The following SLC39A9 variants were observed in gnomAD, a reference collection of about 807,000 sequenced individuals.
The protein encoded by SLC39A9 is solute carrier family 39 member 9.
Under a neutral mutation model 28.4 loss-of-function variants are expected in SLC39A9, and 14 were observed. That is an observed-to-expected ratio of 0.49 (90% CI 0.33 to 0.77). The LOEUF is 0.77. Among genes scored for constraint, SLC39A9 ranks in the 30% least tolerant of loss-of-function variants. The pLI is 0.02. For synonymous variants in SLC39A9, 119 were observed against 149.6 expected (o/e 0.80, Z 1.49); for missense variants, 283 against 381.1 (o/e 0.74, Z 2.14).
rs1886066497 is a variant in SLC39A9 at position 69,460,506 on chromosome 14, C to T, written c.*1913C>T. 3.0e-6 allele frequency: 3 copies of T among 985,310 alleles called. No individual in the cohort carries two copies. The highest frequency in any genetic ancestry group is 3.5e-5 in the African/African-American group (2 of 57,236). The allele number at this position is 985,310 out of a possible 1,614,324, so 61.0% of individuals were successfully genotyped here. A position where few individuals can be genotyped will look rare whatever the true frequency, so the allele number is the denominator to read the frequency against. On this transcript the variant is annotated 3_prime_UTR_variant, in exon 7 of 7. Transcript: ENST00000336643. ...TCAAAACTATATGGTTGCCTAGATT[C>T]TCTCTGGAAACTGACTTTGTCAAAT...
chr14:69,461,705 C>G lies in SLC39A9; in HGVS notation c.*3112C>G. The stretch of plus-strand genomic sequence containing the variant: ...TTTTTCTCTTTTTCAAGGATTAGAA[C>G]TAAGAGGACACACCAGCATCGGAGT... On this transcript the variant is annotated 3_prime_UTR_variant, in exon 7 of 7. Transcript: ENST00000336643. The G allele has an allele frequency of 6.5e-7, 1 of 1,535,760 alleles. No homozygotes were observed. The highest frequency in any genetic ancestry group is 8.7e-7 in the Non-Finnish European group (1 of 1,146,810).
chr14:69,421,523 T>C (rs1883891539), intron 1 of SLC39A9, among the ~76,000 whole-genome samples: 1 of 152,248 alleles, frequency 6.6e-6, no homozygotes, highest in African/African-American at 2.4e-5. Flanking sequence ...GGAAAACCAC[T>C]GCTCTCTTCA....
chr14:69,411,085 G>A (rs1347432243), intron 1 of SLC39A9, among the ~76,000 whole-genome samples: 3 of 151,958 alleles, frequency 2.0e-5, no homozygotes, highest in Non-Finnish European at 4.4e-5. Flanking sequence ...GATGGCACAT[G>A]CCTGTAATCC....
At chr14:69,405,691 A>G (rs1377703324) in intron 1 of SLC39A9, among the ~76,000 whole-genome samples, 1 of 152,186 alleles carries the variant, frequency 6.6e-6, no homozygotes, top group Non-Finnish European at 1.5e-5. Flanking sequence ...TGAACTACAG[A>G]TTATTGTTTC....
chr14:69,430,554 C>T (rs1047312998), intron 2 of SLC39A9, among the ~76,000 whole-genome samples: 1 of 151,472 alleles, frequency 6.6e-6, no homozygotes, highest in East Asian at 1.9e-4. Flanking sequence ...ACCAGCACTA[C>T]GTTGTCTTGA....
chr14:69,413,503 T>A (rs1251691268), intron 1 of SLC39A9, among the ~76,000 whole-genome samples: 1 of 152,206 alleles, frequency 6.6e-6, no homozygotes, highest in Non-Finnish European at 1.5e-5. Flanking sequence ...TTAGGTAGGA[T>A]ATAATCTCAG....
At chr14:69,451,582 A>T (rs1409084333) in intron 3 of SLC39A9, among the ~76,000 whole-genome samples, 1 of 152,246 alleles carries the variant, frequency 6.6e-6, no homozygotes, top group Non-Finnish European at 1.5e-5. Flanking sequence ...CCATCTGGGG[A>T]TAGAAAACAT....
rs565204844 is a variant in SLC39A9 at position 69,429,895 on chromosome 14, A to G, written c.205+5693A>G. 5.3e-5 allele frequency among the ~76,000 whole-genome samples: 8 copies of G among 152,112 alleles called. No homozygotes were observed. In the South Asian group the frequency reaches 1.7e-3, roughly 32 times the overall value. On this transcript the variant is annotated intron_variant, in intron 2 of 6. Coordinates refer to ENST00000336643, the MANE Select transcript of SLC39A9 (RefSeq NM_018375.5). ...GTTGTCTGTTTTGTTTTAGTTTTTT[A>G]TTTTAGCCATTCTAATAGCAGCATA... is the stretch of plus-strand genomic sequence containing the variant.
intron 1 of SLC39A9, among the ~76,000 whole-genome samples, chr14:69,422,970 A>C (rs1240562310): frequency 6.6e-6 from 1 of 152,258 alleles, no homozygotes; most frequent in Non-Finnish European, 1.5e-5. Context: ...TTGGCTAAAA[A>C]GAAGACAATT....
chr14:69,421,292 A>G (rs561785627), intron 1 of SLC39A9, among the ~76,000 whole-genome samples: 1 of 152,216 alleles, frequency 6.6e-6, no homozygotes, highest in East Asian at 1.9e-4. Flanking sequence ...CTGGAGGTCC[A>G]CTCCAGATGC....
intron 1 of SLC39A9, among the ~76,000 whole-genome samples, chr14:69,416,436 G>T (rs776601274): frequency 2.6e-5 from 4 of 152,206 alleles, no homozygotes; most frequent in Admixed American, 6.5e-5. Context: ...AAACATACGT[G>T]TGCATGTGTC....
intron 2 of SLC39A9, among the ~76,000 whole-genome samples, chr14:69,427,358 C>T (rs959345435): frequency 1.3e-5 from 2 of 152,118 alleles, no homozygotes; most frequent in African/African-American, 4.8e-5. Context: ...TTATAAGTCT[C>T]TTCTGAAAAT....
At position 69,453,262 on chromosome 14, in the gene SLC39A9, G is replaced by A. The variant is rs1885701542; in HGVS notation, c.425G>A (p.Ser142Asn). The change falls in exon 4 of 7, where the codon AGC becomes AAC. Residue 142 changes from serine to asparagine, a missense_variant. Ser to Asn is a conservative substitution (Grantham distance 46). Coordinates refer to ENST00000336643, the MANE Select transcript of SLC39A9 (RefSeq NM_018375.5). The part of the protein sequence containing the change: ...STDDPEAARS[S>N]NSKITTTLGL... Reference sequence around the variant, plus strand: ...TTAGATCCAGAAGCAGCAAGGTCTAGCAATTCCAAAATCACCACCACGCTG... The same window carrying A: ...TTAGATCCAGAAGCAGCAAGGTCTAACAATTCCAAAATCACCACCACGCTG... 1 of 1,613,902 alleles carries A rather than the reference G, an allele frequency of 6.2e-7. No individual in the cohort carries two copies. The highest frequency in any genetic ancestry group is 8.5e-7 in the Non-Finnish European group (1 of 1,179,842).
intron 2 of SLC39A9, among the ~76,000 whole-genome samples, chr14:69,425,670 T>A (rs908134032): frequency 4.6e-5 from 7 of 151,994 alleles, no homozygotes; most frequent in Non-Finnish European, 1.0e-4. Flanking sequence ...GGTTTTTTTT[T>A]TTATTTGTTT....
intron 1 of SLC39A9, 62 bp downstream of exon 1, chr14:69,399,527 C>A: frequency 7.6e-7 from 1 of 1,320,418 alleles, no homozygotes; most frequent in Non-Finnish European, 1.1e-6. Context: ...GTTTTAGTTG[C>A]AAAGGGAAGC....
rs776955160 is a variant in SLC39A9 at position 69,458,423 on chromosome 14, G to A, written c.754G>A (p.Gly252Arg). 1.2e-6 allele frequency: 2 copies of A among 1,614,088 alleles called. No individual in the cohort carries two copies. The highest frequency in any genetic ancestry group is 1.7e-5 in the Admixed American group (1 of 60,002). The change falls in exon 7 of 7, where the codon GGG becomes AGG. Residue 252 changes from glycine (G) to arginine (R), a missense_variant. Gly to Arg is a moderately radical substitution (Grantham distance 125). Transcript: ENST00000336643. ...GGGAGTGGCCATGCTTTTCTCTGCC[G>A]GGACATTTCTTTATGTTGCCACAGT... ...ATGVAMLFSA[G>R]TFLYVATVHV... is the part of the protein sequence containing the mutation.
chr14:69,403,592 A>G (rs1382163415), intron 1 of SLC39A9, among the ~76,000 whole-genome samples: 1 of 152,256 alleles, frequency 6.6e-6, no homozygotes, highest in African/African-American at 2.4e-5. Context: ...TAGAAAATAC[A>G]AGCCCAAATG....
At chr14:69,456,626 T>G (rs1885878236) in intron 6 of SLC39A9, among the ~76,000 whole-genome samples, 2 of 152,210 alleles carry the variant, frequency 1.3e-5, no homozygotes, top group African/African-American at 4.8e-5. Context: ...TAATCCTGTC[T>G]GTAGCTCTGA....
chr14:69,442,262 T>G lies in SLC39A9; in HGVS notation c.399T>G (p.Thr133=). The change falls in exon 3 of 7, where the codon ACT becomes ACG. Residue 133 remains threonine, a synonymous_variant. Coordinates refer to ENST00000336643, the MANE Select transcript of SLC39A9 (RefSeq NM_018375.5). ...TTGGTAACTCCCATGTGCATTCTAC[T>G]GACGGTGAGTGGCTCCAAGGCTTTC... ...DQIGNSHVHS[T]DDPEAARSSN... The G allele has an allele frequency of 6.2e-7, 1 of 1,614,138 alleles. No homozygotes were observed. The highest frequency in any genetic ancestry group is 2.2e-5 in the East Asian group (1 of 44,882).
Sources: allele counts gnomAD v4.1 joint callset (sites outside exome capture counted in the v4.1 genomes callset), GRCh38; gene constraint gnomAD v4.1.1; transcripts MANE v1.5; gene names NCBI Gene and HGNC (gene_info 2026-07-23, HGNC 2026-07-21).